The following TTC12 variants were observed in gnomAD, a reference collection of about 807,000 sequenced individuals.
TTC12 encodes the protein tetratricopeptide repeat domain 12.
TTC12 carries 70 observed loss-of-function variants against 90.1 expected under a neutral mutation model. The ratio of observed to expected loss-of-function variants is 0.78; its 90% CI spans 0.64 to 0.95. The LOEUF (loss-of-function observed/expected upper bound fraction) is 0.95. Among genes scored for constraint, TTC12 ranks in the 40% least tolerant of loss-of-function variants. The pLI, the probability that TTC12 is intolerant of heterozygous loss-of-function variation, is 0.00. For synonymous variants in TTC12, 296 were observed against 311.5 expected (o/e 0.95, Z 0.53); for missense variants, 819 against 846.1 (o/e 0.97, Z 0.40).
At chr11:113,367,155 G>A (rs1269220067), downstream of TTC12, among the ~76,000 whole-genome samples, 1 of 152,176 alleles carries the variant, frequency 6.6e-6, no homozygotes, top group Non-Finnish European at 1.5e-5. Context: ...CCAATAAGTG[G>A]CATTATCTCT....
At chr11:113,342,587 G>A (rs1366191915) in intron 12 of TTC12, among the ~76,000 whole-genome samples, 1 of 152,154 alleles carries the variant, frequency 6.6e-6, no homozygotes, top group African/African-American at 2.4e-5. Flanking sequence ...CCTTTTCACA[G>A]GGCTACTGTG....
At chr11:113,348,526 C>T (rs1949095131) in intron 13 of TTC12, among the ~76,000 whole-genome samples, 1 of 152,154 alleles carries the variant, frequency 6.6e-6, no homozygotes, top group African/African-American at 2.4e-5. Context: ...TGAATTCCTG[C>T]CTCTTGTACT....
intron 2 of TTC12, among the ~76,000 whole-genome samples, chr11:113,321,146 G>A (rs1217592396): frequency 3.3e-5 from 5 of 152,320 alleles, no homozygotes; most frequent in Non-Finnish European, 5.9e-5. Flanking sequence ...ATAAGAAGAT[G>A]CTCAATTCCA....
intron 2 of TTC12, among the ~76,000 whole-genome samples, chr11:113,321,439 C>G (rs1947332350): frequency 6.6e-6 from 1 of 152,154 alleles, no homozygotes; most frequent in Admixed American, 6.5e-5. Flanking sequence ...AATGGATTAA[C>G]TATGGTATAT....
rs1565629125 is a variant in TTC12, at chr11:113,362,427, C to T, written c.1641C>T (p.Thr547=). Residue 547 remains threonine, a synonymous_variant, in exon 19 of 22, where the codon ACC becomes ACT. Coordinates refer to ENST00000529221, the MANE Select transcript of TTC12 (RefSeq NM_017868.4). Reference sequence around the variant, plus strand: ...GAGCTGCTGGTGTTCTGAGCCGGACCCTTTCTTCCTCTCTGAAAATTGTTG... The same window carrying T: ...GAGCTGCTGGTGTTCTGAGCCGGACTCTTTCTTCCTCTCTGAAAATTGTTG... The part of the protein sequence containing the change: ...LTRAAGVLSR[T]LSSSLKIVEE... 1.2e-6 allele frequency: 2 copies of T among 1,613,822 alleles called. No homozygotes were observed. Among genetic ancestry groups the T allele is most frequent in the Non-Finnish European group, 1.7e-6 (2 of 1,179,868 alleles).
chr11:113,344,911 A>T (rs1948866033), intron 13 of TTC12, among the ~76,000 whole-genome samples: 1 of 152,226 alleles, frequency 6.6e-6, no homozygotes, highest in Non-Finnish European at 1.5e-5. Context: ...AGGTCTTTCC[A>T]AAGTGTAAGA....
intron 12 of TTC12, among the ~76,000 whole-genome samples, chr11:113,343,750 A>G (rs1270040108): frequency 2.6e-5 from 4 of 152,160 alleles, no homozygotes; most frequent in Non-Finnish European, 5.9e-5. Context: ...GGAAGAGCTT[A>G]TGTTCTAGGA....
Position 113,365,019 on chromosome 11 carries a change from C to T in TTC12, c.2001C>T (p.Asn667=), listed in dbSNP as rs117813698. The change falls in exon 21 of 22, where the codon AAC becomes AAT. Residue 667 remains asparagine (N), a synonymous_variant. Coordinates refer to ENST00000529221, the MANE Select transcript of TTC12 (RefSeq NM_017868.4). ...CACAGAAGACGGCCGTGCAGGTGAA[C>T]GCAGGCATTGCTCTGGGGAAGCTGT... ...SDTQKTAVQV[N]AGIALGKLCT... 73 of 1,614,120 alleles carry T rather than the reference C, an allele frequency of 4.5e-5. 1 individual carries two copies. In the East Asian group the frequency reaches 4.7e-4, roughly 10 times the overall value.
chr11:113,346,070 A>G (rs1369484806), intron 13 of TTC12, among the ~76,000 whole-genome samples: 12 of 152,310 alleles, frequency 7.9e-5, no homozygotes, highest in African/African-American at 2.4e-4. Flanking sequence ...GCTGCTGCAC[A>G]TAGCCCCTTG....
At chr11:113,323,266 T>C in intron 2 of TTC12, 22 bp from the exon 3 acceptor site, 1 of 1,568,456 alleles carries the variant, frequency 6.4e-7, no homozygotes, top group East Asian at 2.3e-5. Flanking sequence ...TTTGATTAAG[T>C]CACACCTGAT....
rs1947938026 is a variant in TTC12 at position 113,329,980 on chromosome 11, G to A, written c.504+1G>A. 4.3e-6 allele frequency: 7 copies of A among 1,611,710 alleles called. No homozygotes were observed. The highest frequency in any genetic ancestry group is 5.1e-6 in the Non-Finnish European group (6 of 1,177,760). On this transcript the variant is annotated splice_donor_variant, in intron 7 of 21. Coordinates refer to ENST00000529221, the MANE Select transcript of TTC12 (RefSeq NM_017868.4). LOFTEE classifies it high-confidence loss of function. ...GGTGGATTGTGAGTGGGCTCTCAAG[G>A]TAAGAGGGTATTTCTTTTCCCACAT...
chr11:113,317,456 T>G (rs1448568105), intron 2 of TTC12, among the ~76,000 whole-genome samples: 1 of 152,154 alleles, frequency 6.6e-6, no homozygotes, highest in African/African-American at 2.4e-5. Context: ...CTAGTTTGGT[T>G]GGAGAGCCAT....
intron 8 of TTC12, among the ~76,000 whole-genome samples, chr11:113,336,150 C>T (rs569163816): frequency 6.6e-6 from 1 of 152,116 alleles, no homozygotes; most frequent in African/African-American, 2.4e-5. Context: ...GGTATTTGAT[C>T]TGCATTTTTT....
At chr11:113,325,447 G>A in intron 5 of TTC12, 77 bp from the exon 6 acceptor site, 1 of 1,563,748 alleles carries the variant, frequency 6.4e-7, no homozygotes, top group Admixed American at 1.8e-5. Flanking sequence ...AATAGAATTG[G>A]AAAATCGGGG....
rs142590387 is a variant in TTC12 at position 113,363,913 on chromosome 11, T to A, written c.1802T>A (p.Ile601Lys). 1.2e-6 allele frequency: 2 copies of A among 1,611,542 alleles called. No individual in the cohort carries two copies. The highest frequency in any genetic ancestry group is 4.5e-5 in the East Asian group (2 of 44,878). ...TATCATGAAGCTCGGGAAGAAGTAA[T>A]AAGACTGGATAAAAGTAAGTGATGA... is the stretch of plus-strand genomic sequence containing the variant. The part of the protein sequence containing the change: ...NSYHEAREEV[I>K]RLDKKLSVMM... The change falls in exon 20 of 22, where the codon ATA (isoleucine) becomes AAA (lysine). Residue 601 changes from isoleucine to lysine, a missense_variant. Physicochemically the swap from Ile to Lys is moderately radical, Grantham distance 102 (BLOSUM62 -3). Transcript: ENST00000529221.
At chr11:113,356,696 G>T (rs1164887022) in intron 16 of TTC12, among the ~76,000 whole-genome samples, 1 of 152,016 alleles carries the variant, frequency 6.6e-6, no homozygotes, top group Non-Finnish European at 1.5e-5. Flanking sequence ...GTTTAATTTG[G>T]CCAGAAATGA....
intron 8 of TTC12, among the ~76,000 whole-genome samples, chr11:113,337,413 GT>G (rs1948432892): frequency 6.6e-6 from 1 of 152,276 alleles, no homozygotes; most frequent in Admixed American, 6.5e-5. Flanking sequence ...GATGAGACTG[GT>G]TTTATATAGA....
chr11:113,321,931 T>C (rs1375296793), intron 2 of TTC12, among the ~76,000 whole-genome samples: 1 of 152,174 alleles, frequency 6.6e-6, no homozygotes, highest in Non-Finnish European at 1.5e-5. Flanking sequence ...TGAATTCAGC[T>C]CAAATTGTTG....
downstream of TTC12, chr11:113,368,531 G>T: frequency 3.9e-6 from 6 of 1,531,046 alleles, no homozygotes; most frequent in East Asian, 2.4e-5. Context: ...GGATGTGGCC[G>T]GGATGGAACT....
Sources: gnomAD v4.1 joint callset for allele counts (sites outside exome capture counted in the v4.1 genomes callset) on GRCh38, gnomAD v4.1.1 for gene constraint, MANE v1.5 for transcripts, NCBI Gene and HGNC (gene_info 2026-07-23, HGNC 2026-07-21) for gene names.